RGS6: variants seen among roughly 807,000 people sequenced by gnomAD.
RGS6 encodes the protein regulator of G-protein signaling 6.
In RGS6, 30 loss-of-function variants were observed where a neutral mutation model predicts 78.5. That is an observed-to-expected ratio of 0.38 (90% CI 0.29 to 0.52). The LOEUF is 0.52. Among genes scored for constraint, RGS6 ranks in the 20% least tolerant of loss-of-function variants. The probability of loss-of-function intolerance (pLI) is 0.85; values close to 1 mark genes in which losing one functional copy is unlikely to be tolerated. For synonymous variants in RGS6, 206 were observed against 206.0 expected (o/e 1.00, Z 0.00); for missense variants, 495 against 609.7 (o/e 0.81, Z 1.98).
chr14:72,518,080 G>A (rs146781246), intron 14 of RGS6, among the ~76,000 whole-genome samples: 1 of 152,228 alleles, frequency 6.6e-6, no homozygotes, highest in Admixed American at 6.5e-5. Flanking sequence ...TGCTGAGGTT[G>A]AGAAACCTTC....
At chr14:72,441,581 A>C (rs2095203959) in intron 3 of RGS6, among the ~76,000 whole-genome samples, 1 of 152,216 alleles carries the variant, frequency 6.6e-6, no homozygotes, top group African/African-American at 2.4e-5. Flanking sequence ...AGCCCTCAGC[A>C]GGGCCAGGAC....
intron 2 of RGS6, among the ~76,000 whole-genome samples, chr14:72,186,543 G>A (rs927738021): frequency 6.6e-6 from 1 of 152,142 alleles, no homozygotes; most frequent in Non-Finnish European, 1.5e-5. Flanking sequence ...CCAACTTTGA[G>A]TGTGCTGAGG....
intron 2 of RGS6, among the ~76,000 whole-genome samples, chr14:72,132,928 C>A (rs964962950): frequency 3.9e-5 from 6 of 152,004 alleles, no homozygotes; most frequent in African/African-American, 1.5e-4. Flanking sequence ...CATTTGGCAT[C>A]AGACTAAAGG....
At chr14:72,621,599 T>C in the RGS6 span, among the ~76,000 whole-genome samples, 1 of 152,174 alleles carries the variant, frequency 6.6e-6, no homozygotes, top group Non-Finnish European at 1.5e-5. Flanking sequence ...TACGATCAGA[T>C]TGCAGTTTAG....
chr14:72,047,449 G>A (rs180931913), intron 2 of RGS6, among the ~76,000 whole-genome samples: 2 of 152,272 alleles, frequency 1.3e-5, no homozygotes, highest in African/African-American at 2.4e-5. Context: ...TGAAGCTGGC[G>A]ATATGTCCTG....
intron 2 of RGS6, among the ~76,000 whole-genome samples, chr14:72,193,332 A>C (rs1234695907): frequency 6.6e-6 from 1 of 152,154 alleles, no homozygotes; most frequent in African/African-American, 2.4e-5. Context: ...ACTGGGGTGA[A>C]AGGACAGGCC....
rs1283602971 is a variant in RGS6 at position 72,209,415 on chromosome 14, ACTT to A, written c.85-142673_85-142671del. On this transcript the variant is annotated intron_variant, in intron 2 of 17. Transcript: ENST00000553525. The stretch of plus-strand genomic sequence containing the variant: ...ATAAATTTTTCTTTCTATTTCTTCT[ACTT>A]CTTCTTAGCATTGAAGTGAGCAATT... Among the ~76,000 whole-genome samples, 10 of 152,230 alleles carry A rather than the reference ACTT, an allele frequency of 6.6e-5. No homozygotes were observed. The East Asian group carries it at 9.6e-4, about 15-fold the overall frequency.
rs551617194 is a variant in RGS6 at position 72,502,060 on chromosome 14, G to A, written c.965+6798G>A. 2.0e-5 allele frequency among the ~76,000 whole-genome samples: 3 copies of A among 152,312 alleles called. No individual in the cohort carries two copies. The East Asian group carries it at 5.8e-4, about 29-fold the overall frequency. On this transcript the variant is annotated intron_variant, in intron 13 of 17. Coordinates refer to ENST00000553525, the MANE Select transcript of RGS6 (RefSeq NM_001204424.2). ...CCAAGGCCAGATGAAAAGAGAGGGAGCACCTTTTTCCCTCTCTCAAACTAT... is the reference window on the plus strand; with the variant it reads ...CCAAGGCCAGATGAAAAGAGAGGGAACACCTTTTTCCCTCTCTCAAACTAT...
intron 2 of RGS6, among the ~76,000 whole-genome samples, chr14:72,317,305 T>C (rs960662807): frequency 6.6e-6 from 1 of 152,180 alleles, no homozygotes; most frequent in African/African-American, 2.4e-5. Flanking sequence ...GGGAATTTGA[T>C]GAAATATATA....
At chr14:71,905,596 T>G in the RGS6 span, among the ~76,000 whole-genome samples, 2 of 152,244 alleles carry the variant, frequency 1.3e-5, no homozygotes, top group Admixed American at 1.3e-4. Flanking sequence ...GTTCAAGCAA[T>G]TCTGTGCCTC....
intron 3 of RGS6, among the ~76,000 whole-genome samples, chr14:72,394,347 G>A (rs2090678239): frequency 6.6e-6 from 1 of 152,066 alleles, no homozygotes; most frequent in Non-Finnish European, 1.5e-5. Context: ...GCTTCACAAG[G>A]TAATAAAATA....
chr14:72,259,235 C>G (rs2153878396), intron 2 of RGS6, among the ~76,000 whole-genome samples: 1 of 152,260 alleles, frequency 6.6e-6, no homozygotes, highest in Non-Finnish European at 1.5e-5. Flanking sequence ...GCAAAAATAA[C>G]ATTTTTAAGT....
At chr14:71,924,447 C>T in the RGS6 span, among the ~76,000 whole-genome samples, 1 of 152,130 alleles carries the variant, frequency 6.6e-6, no homozygotes. Flanking sequence ...GTGCACAAGA[C>T]AATATTATAA....
At chr14:71,928,230 C>A (rs1179610474), upstream of RGS6, among the ~76,000 whole-genome samples, 1 of 152,298 alleles carries the variant, frequency 6.6e-6, no homozygotes, top group East Asian at 1.9e-4. Flanking sequence ...TTGAGCCATT[C>A]TCTGAAAGAA....
At chr14:72,248,134 C>G (rs2054698502) in intron 2 of RGS6, among the ~76,000 whole-genome samples, 1 of 152,178 alleles carries the variant, frequency 6.6e-6, no homozygotes, top group Non-Finnish European at 1.5e-5. Context: ...AGAGACCTTT[C>G]CAGGGGTTCT....
intron 3 of RGS6, among the ~76,000 whole-genome samples, chr14:72,414,820 C>T (rs2093684374): frequency 6.6e-6 from 1 of 152,224 alleles, no homozygotes; most frequent in Non-Finnish European, 1.5e-5. Context: ...AGGTCCACTC[C>T]AGAGCCTGTT....
intron 3 of RGS6, among the ~76,000 whole-genome samples, chr14:72,406,712 T>C (rs1047990149): frequency 1.3e-5 from 2 of 152,224 alleles, no homozygotes; most frequent in African/African-American, 2.4e-5. Flanking sequence ...GCAATAGATA[T>C]GCAACAGTAT....
In RGS6 at chr14:72,429,194, T is replaced by A. The variant is rs558675771; in HGVS notation, c.185-25334T>A. 2.6e-5 allele frequency among the ~76,000 whole-genome samples: 4 copies of A among 152,210 alleles called. No individual in the cohort carries two copies. The South Asian group carries it at 8.3e-4, about 32-fold the overall frequency. On this transcript the variant is annotated intron_variant, in intron 3 of 17. Transcript: ENST00000553525. Reference sequence around the variant, plus strand: ...TCAAGCCTGGGTGGCAGAGCAAGACTCTGTCTCAGATAAAAAAAGGGATGT... The same window carrying A: ...TCAAGCCTGGGTGGCAGAGCAAGACACTGTCTCAGATAAAAAAAGGGATGT...
At chr14:71,983,562 C>G (rs553552233) in intron 2 of RGS6, among the ~76,000 whole-genome samples, 87 of 152,338 alleles carry the variant, frequency 5.7e-4, no homozygotes, top group Non-Finnish European at 1.1e-3. Flanking sequence ...TTTCTTGCCT[C>G]TTCCAGGCTT....
Sources: gnomAD v4.1 joint callset for allele counts (sites outside exome capture counted in the v4.1 genomes callset) on GRCh38, gnomAD v4.1.1 for gene constraint, MANE v1.5 for transcripts, NCBI Gene and HGNC (gene_info 2026-07-23, HGNC 2026-07-21) for gene names.